The following DAPK1 variants were observed in gnomAD, a reference collection of about 807,000 sequenced individuals.
The protein encoded by DAPK1 is death-associated protein kinase 1.
DAPK1 carries 56 observed loss-of-function variants against 144.9 expected under a neutral mutation model. The observed-to-expected ratio is 0.39, with a 90% CI of 0.31 to 0.48. DAPK1 has a LOEUF of 0.48. Among genes scored for constraint, DAPK1 ranks in the 20% least tolerant of loss-of-function variants. The pLI is 0.95. For synonymous variants in DAPK1, 690 were observed against 749.0 expected (o/e 0.92, Z 1.29); for missense variants, 1,454 against 1,875.4 (o/e 0.78, Z 4.15).
intron 2 of DAPK1, among the ~76,000 whole-genome samples, chr9:87,560,680 T>C (rs1213197874): frequency 6.6e-6 from 1 of 151,696 alleles, no homozygotes; most frequent in Non-Finnish European, 1.5e-5. Flanking sequence ...TTTTTTTTTT[T>C]TTTTTGAGAC....
intron 21 of DAPK1, among the ~76,000 whole-genome samples, chr9:87,690,056 T>G (rs1197752870): frequency 6.6e-6 from 1 of 152,222 alleles, no homozygotes; most frequent in Non-Finnish European, 1.5e-5. Context: ...CATTGGTATT[T>G]TGATAGGGAT....
intron 18 of DAPK1, among the ~76,000 whole-genome samples, chr9:87,662,559 A>ATTTTTTTTTTTTTTTTTTTT (rs1830886898): frequency 7.8e-5 from 2 of 25,570 alleles, no homozygotes; most frequent in East Asian, 1.9e-3. Context: ...ATATATTCCT[A>ATTTTTTTTTTTTTTTTTTTT]GTTTTTTTTT....
intron 2 of DAPK1, among the ~76,000 whole-genome samples, chr9:87,535,194 G>A (rs980102896): frequency 6.6e-6 from 1 of 151,918 alleles, no homozygotes; most frequent in African/African-American, 2.4e-5. Context: ...CCTGTTTCTG[G>A]TGTCACCTCT....
rs868116892 is a variant in DAPK1 at position 87,508,698 on chromosome 9, T to C, written c.62+9559T>C. On this transcript the variant is annotated intron_variant, in intron 2 of 25. Coordinates refer to ENST00000408954, the MANE Select transcript of DAPK1 (RefSeq NM_004938.4). ...AACCCCTGACACCTGACCCACAGTA[T>C]AGAATTTTCCAGGTGAAAAAGACAT... is the stretch of plus-strand genomic sequence containing the variant. Among the ~76,000 whole-genome samples the C allele has an allele frequency of 3.3e-5, 5 of 152,292 alleles. No individual in the cohort carries two copies. In the East Asian group the frequency reaches 5.8e-4, roughly 18 times the overall value.
intron 2 of DAPK1, among the ~76,000 whole-genome samples, chr9:87,598,453 A>G (rs754237598): frequency 6.6e-6 from 1 of 152,222 alleles, no homozygotes; most frequent in South Asian, 2.1e-4. Flanking sequence ...AAGTAAAAAC[A>G]TGAAAAAGGA....
intron 24 of DAPK1, chr9:87,701,710 C>T (rs900981483): frequency 3.8e-5 from 12 of 318,138 alleles, no homozygotes; most frequent in Non-Finnish European, 7.0e-5. Context: ...TTGAAGCTGC[C>T]TCTGGGTGTA....
intron 2 of DAPK1, among the ~76,000 whole-genome samples, chr9:87,566,214 G>C (rs936515605): frequency 6.6e-6 from 1 of 151,866 alleles, no homozygotes; most frequent in Non-Finnish European, 1.5e-5. Context: ...GTAGAGATGG[G>C]GTTTCACCAT....
At chr9:87,586,848 G>T (rs758224566) in intron 2 of DAPK1, among the ~76,000 whole-genome samples, 1 of 152,136 alleles carries the variant, frequency 6.6e-6, no homozygotes, top group Non-Finnish European at 1.5e-5. Context: ...TAGTCTAAAC[G>T]TAGCTAATAG....
chr9:87,516,935 C>T (rs553601275), intron 2 of DAPK1, among the ~76,000 whole-genome samples: 129 of 152,230 alleles, frequency 8.5e-4, no homozygotes, highest in Non-Finnish European at 1.5e-3. Context: ...TATCTGGCAG[C>T]AGAAGGGGAG....
At chr9:87,641,594 C>T (rs189109525) in intron 9 of DAPK1, among the ~76,000 whole-genome samples, 61 of 152,224 alleles carry the variant, frequency 4.0e-4, no homozygotes, top group African/African-American at 1.4e-3. Flanking sequence ...TGCTATAGGC[C>T]AAACTAACTT....
intron 21 of DAPK1, among the ~76,000 whole-genome samples, chr9:87,695,731 G>A (rs1825235502): frequency 1.3e-5 from 2 of 152,198 alleles, no homozygotes; most frequent in Non-Finnish European, 2.9e-5. Context: ...AGCCTGGACA[G>A]GGCCCTCAGT....
At chr9:87,587,898 GT>G (rs1827993631) in intron 2 of DAPK1, among the ~76,000 whole-genome samples, 1 of 152,212 alleles carries the variant, frequency 6.6e-6, no homozygotes, top group South Asian at 2.1e-4. Flanking sequence ...GATGCAGGTG[GT>G]TTTAAGCAAC....
intron 2 of DAPK1, among the ~76,000 whole-genome samples, chr9:87,527,355 G>A (rs1046117456): frequency 6.6e-6 from 1 of 152,220 alleles, no homozygotes; most frequent in African/African-American, 2.4e-5. Context: ...CTTCCTCTCA[G>A]GCCCAGTAGT....
intron 2 of DAPK1, among the ~76,000 whole-genome samples, chr9:87,598,916 T>C (rs930176691): frequency 7.2e-5 from 11 of 152,248 alleles, no homozygotes. Flanking sequence ...TGTACTTTTA[T>C]TGCATGGCAT....
intron 3 of DAPK1, among the ~76,000 whole-genome samples, chr9:87,628,686 A>G (rs1346881867): frequency 2.0e-5 from 3 of 152,162 alleles, no homozygotes; most frequent in African/African-American, 7.2e-5. Context: ...GTAGTTGGGG[A>G]CCACCTCACT....
chr9:87,586,259 C>T (rs1027672767), intron 2 of DAPK1, among the ~76,000 whole-genome samples: 6 of 152,134 alleles, frequency 3.9e-5, no homozygotes, highest in Admixed American at 3.3e-4. Context: ...CACTGCACTC[C>T]AGCCTGGGCA....
chr9:87,664,339 A>G (rs1830974583), intron 18 of DAPK1, among the ~76,000 whole-genome samples: 1 of 152,094 alleles, frequency 6.6e-6, no homozygotes, highest in African/African-American at 2.4e-5. Flanking sequence ...TGCCCACAGC[A>G]TCAGCACACA....
At chr9:87,590,003 T>C (rs760189142) in intron 2 of DAPK1, among the ~76,000 whole-genome samples, 8 of 152,196 alleles carry the variant, frequency 5.3e-5, no homozygotes, top group Admixed American at 1.3e-4. Context: ...TATGACCCAA[T>C]TGGGGCAAGG....
chr9:87,523,128 C>T (rs1472867933), intron 2 of DAPK1, among the ~76,000 whole-genome samples: 2 of 152,090 alleles, frequency 1.3e-5, no homozygotes, highest in Non-Finnish European at 2.9e-5. Context: ...TTTAAGTGCA[C>T]ATTCAGTGGC....
Sources: allele counts gnomAD v4.1 joint callset (sites outside exome capture counted in the v4.1 genomes callset), GRCh38; gene constraint gnomAD v4.1.1; transcripts MANE v1.5; gene names NCBI Gene and HGNC (gene_info 2026-07-23, HGNC 2026-07-21).